The following BTBD9 variants were observed in gnomAD, a reference collection of about 807,000 sequenced individuals.
BTBD9 encodes BTB domain containing 9.
BTBD9 carries 49 observed loss-of-function variants against 64.3 expected under a neutral mutation model. That is an observed-to-expected ratio of 0.76 (90% CI 0.61 to 0.97). BTBD9 has a LOEUF of 0.97. Ranked by LOEUF, BTBD9 falls within the 50% of genes least tolerant of loss-of-function variation. BTBD9 has a pLI of 0.00. For synonymous variants in BTBD9, 260 were observed against 274.7 expected, an observed-to-expected ratio of 0.95 and a Z score of 0.53; for missense variants, 598 against 762.1, an observed-to-expected ratio of 0.78 and a Z score of 2.53.
At chr6:38,573,564 C>G (rs1479991259) in intron 6 of BTBD9, among the ~76,000 whole-genome samples, 1 of 152,130 alleles carries the variant, frequency 6.6e-6, no homozygotes, top group East Asian at 1.9e-4. Context: ...CGCTCTTGTT[C>G]CCTCTCTCAA....
intron 6 of BTBD9, among the ~76,000 whole-genome samples, chr6:38,424,301 T>C (rs1409773871): frequency 1.3e-5 from 2 of 151,894 alleles, no homozygotes; most frequent in Non-Finnish European, 2.9e-5. Context: ...CAAGGTCATA[T>C]AGTCCATTCA....
At chr6:38,517,700 A>C (rs1196752725) in intron 6 of BTBD9, among the ~76,000 whole-genome samples, 1 of 152,210 alleles carries the variant, frequency 6.6e-6, no homozygotes, top group Non-Finnish European at 1.5e-5. Flanking sequence ...GACTACTCTT[A>C]GTTCCTCCTT....
chr6:38,387,906 T>A (rs1346065949), intron 6 of BTBD9, among the ~76,000 whole-genome samples: 6 of 152,170 alleles, frequency 3.9e-5, no homozygotes, highest in Non-Finnish European at 7.3e-5. Context: ...ACGGCCCGCT[T>A]CATTAGCATT....
At chr6:38,338,799 TAAG>T (rs1679941125) in intron 7 of BTBD9, among the ~76,000 whole-genome samples, 1 of 152,052 alleles carries the variant, frequency 6.6e-6, no homozygotes. Flanking sequence ...AGAAGACTCA[TAAG>T]AAGAGAAGAG....
chr6:38,234,318 G>A (rs892215674), intron 9 of BTBD9, among the ~76,000 whole-genome samples: 5 of 152,170 alleles, frequency 3.3e-5, no homozygotes, highest in African/African-American at 1.2e-4. Flanking sequence ...TGAGGGTGCA[G>A]GCTTTGCTCT....
chr6:38,314,602 A>C (rs531677563), intron 7 of BTBD9, among the ~76,000 whole-genome samples: 57 of 151,686 alleles, frequency 3.8e-4, no homozygotes, highest in East Asian at 9.7e-4. Flanking sequence ...GCTTTTCTTT[A>C]TTTCTTTCTC....
intron 7 of BTBD9, among the ~76,000 whole-genome samples, chr6:38,344,388 C>G (rs1184761545): frequency 6.6e-6 from 1 of 152,166 alleles, no homozygotes; most frequent in Non-Finnish European, 1.5e-5. Flanking sequence ...AAATATCAGT[C>G]AGGCAGTATT....
intron 7 of BTBD9, among the ~76,000 whole-genome samples, chr6:38,330,469 T>G (rs1763629847): frequency 6.6e-6 from 1 of 152,154 alleles, no homozygotes; most frequent in Non-Finnish European, 1.5e-5. Flanking sequence ...AGAGTATCAC[T>G]TAAGCCCAGG....
At chr6:38,246,711 C>A (rs551415326) in intron 9 of BTBD9, among the ~76,000 whole-genome samples, 3 of 152,150 alleles carry the variant, frequency 2.0e-5, no homozygotes, top group East Asian at 3.9e-4. Flanking sequence ...CTTCATCGAG[C>A]ATTTCAAAAG....
chr6:38,471,966 T>A (rs891659456), intron 6 of BTBD9, among the ~76,000 whole-genome samples: 1 of 152,224 alleles, frequency 6.6e-6, no homozygotes, highest in South Asian at 2.1e-4. Context: ...ATAAGCCAGT[T>A]AGAAATACAG....
At chr6:38,452,525 G>A (rs1172363474) in intron 6 of BTBD9, among the ~76,000 whole-genome samples, 4 of 151,868 alleles carry the variant, frequency 2.6e-5, no homozygotes, top group Non-Finnish European at 4.4e-5. Context: ...TAATAATTTA[G>A]GCCTGAGTCC....
chr6:38,536,816 T>C (rs1165512101), intron 6 of BTBD9, among the ~76,000 whole-genome samples: 5 of 152,018 alleles, frequency 3.3e-5, no homozygotes, highest in Non-Finnish European at 5.9e-5. Context: ...TACCAGAGGC[T>C]GAGAAGAGTG....
chr6:38,450,754 A>G (rs986028710), intron 6 of BTBD9, among the ~76,000 whole-genome samples: 9 of 152,194 alleles, frequency 5.9e-5, no homozygotes, highest in African/African-American at 2.2e-4. Context: ...ATAGAAGTTC[A>G]GAAAATAATG....
chr6:38,552,483 G>GA (rs1774849605), intron 6 of BTBD9, among the ~76,000 whole-genome samples: 1 of 151,992 alleles, frequency 6.6e-6, no homozygotes, highest in Admixed American at 6.6e-5. Context: ...AAAGATTAAT[G>GA]AAAAAATAAA....
At chr6:38,621,605 T>C (rs1777985527) in intron 1 of BTBD9, among the ~76,000 whole-genome samples, 1 of 152,112 alleles carries the variant, frequency 6.6e-6, no homozygotes, top group South Asian at 2.1e-4. Context: ...AAAAAAAGAA[T>C]AAATGTGAAC....
intron 7 of BTBD9, among the ~76,000 whole-genome samples, chr6:38,320,367 A>G (rs1763188007): frequency 1.3e-5 from 2 of 152,342 alleles, no homozygotes; most frequent in South Asian, 4.1e-4. Context: ...TCTCAATACA[A>G]GTATTTTTAA....
chr6:38,487,659 GGAAAAGAGAA>G (rs778671967), intron 6 of BTBD9, among the ~76,000 whole-genome samples: 75 of 147,412 alleles, frequency 5.1e-4, no homozygotes, highest in South Asian at 3.9e-3. Context: ...AAGGAAAGGA[GGAAAAGAGAA>G]GAAAAGAGAA....
intron 6 of BTBD9, chr6:38,402,889 G>A (rs1766997101): frequency 1.4e-6 from 1 of 698,092 alleles, no homozygotes; most frequent in Non-Finnish European, 2.6e-6. Flanking sequence ...GCACCATAGT[G>A]AGACTCCATC....
At chr6:38,604,307 C>A (rs9380759) in intron 1 of BTBD9, among the ~76,000 whole-genome samples, 9,604 of 150,940 alleles carry the variant, frequency 0.064, 716 homozygotes, top group East Asian at 0.24. Flanking sequence ...AAATATGCTC[C>A]GGTTTGACCA....
Sources: gnomAD v4.1 joint callset for allele counts (sites outside exome capture counted in the v4.1 genomes callset) on GRCh38, gnomAD v4.1.1 for gene constraint, MANE v1.5 for transcripts, NCBI Gene and HGNC (gene_info 2026-07-23, HGNC 2026-07-21) for gene names.